Variants in ADGRL3 observed in about 807,000 individuals in gnomAD.
ADGRL3 encodes the protein calcium-independent alpha-latrotoxin receptor 3.
ADGRL3 carries 62 observed loss-of-function variants against 153.5 expected under a neutral mutation model. The observed-to-expected ratio is 0.40, with a 90% confidence interval of 0.33 to 0.50. The LOEUF (loss-of-function observed/expected upper bound fraction) is 0.50, where lower values mean the gene tolerates loss of function less well. ADGRL3 is among the 20% of genes least tolerant of loss of function. The pLI, the probability that ADGRL3 is intolerant of heterozygous loss-of-function variation, is 0.47. For missense variants in ADGRL3, 1,641 were observed against 1,859.4 expected, an observed-to-expected ratio of 0.88 and a Z score of 2.16; for synonymous variants, 710 against 672.5, an observed-to-expected ratio of 1.06 and a Z score of -0.86.
intron 2 of ADGRL3, among the ~76,000 whole-genome samples, chr4:61,385,209 T>G (rs377699942): frequency 3.3e-5 from 5 of 152,106 alleles, no homozygotes; most frequent in South Asian, 2.1e-4. Flanking sequence ...TGCTTTCTGA[T>G]TTTTCATAAA....
rs145375704 is a variant in ADGRL3 at position 61,619,010 on chromosome 4, G to C, written c.473+31570G>C. On this transcript the variant is annotated intron_variant, in intron 5 of 26. Transcript: ENST00000683033. Reference sequence around the variant, plus strand: ...TGGGATTACAGGCATGAGCCACCATGCCAGGTCCCAAGTTTGTGTTTAAGT... The same window carrying C: ...TGGGATTACAGGCATGAGCCACCATCCCAGGTCCCAAGTTTGTGTTTAAGT... 3.0e-3 allele frequency among the ~76,000 whole-genome samples: 450 copies of C among 152,296 alleles called. 3 individuals are homozygous for C. Among genetic ancestry groups the C allele is most frequent in the African/African-American group, 0.01 (430 of 41,574 alleles).
intron 2 of ADGRL3, among the ~76,000 whole-genome samples, chr4:61,443,605 T>C (rs1361399887): frequency 2.0e-5 from 3 of 152,188 alleles, no homozygotes; most frequent in Admixed American, 6.5e-5. Flanking sequence ...TTTTGTGTTA[T>C]GTATACTTCA....
chr4:61,871,122 C>CA (rs1486346960), intron 9 of ADGRL3, among the ~76,000 whole-genome samples: 7 of 151,100 alleles, frequency 4.6e-5, no homozygotes, highest in African/African-American at 9.8e-5. Flanking sequence ...ACTAAAAATA[C>CA]AAAAAATTAG....
At chr4:61,585,905 C>A (rs1264327464) in intron 4 of ADGRL3, among the ~76,000 whole-genome samples, 1 of 151,776 alleles carries the variant, frequency 6.6e-6, no homozygotes, top group Non-Finnish European at 1.5e-5. Context: ...ATATGAAGGA[C>A]AAATGTTTAT....
At chr4:61,230,426 G>A (rs992426408) in intron 1 of ADGRL3, among the ~76,000 whole-genome samples, 3 of 152,190 alleles carry the variant, frequency 2.0e-5, no homozygotes, top group African/African-American at 7.2e-5. Flanking sequence ...GTAATGTGGA[G>A]TTGATGGCAA....
intron 9 of ADGRL3, among the ~76,000 whole-genome samples, chr4:61,890,273 A>C (rs934733523): frequency 6.6e-6 from 1 of 152,236 alleles, no homozygotes; most frequent in Non-Finnish European, 1.5e-5. Context: ...GAGAGCTGGC[A>C]TTATTTGAAT....
At chr4:62,044,053 T>C (rs1182912289) in intron 24 of ADGRL3, among the ~76,000 whole-genome samples, 4 of 152,088 alleles carry the variant, frequency 2.6e-5, no homozygotes, top group Admixed American at 6.6e-5. Flanking sequence ...ACTGGCAATT[T>C]AATGCATAGT....
chr4:61,860,501 A>G (rs535300347), intron 9 of ADGRL3, among the ~76,000 whole-genome samples: 1 of 152,042 alleles, frequency 6.6e-6, no homozygotes, highest in African/African-American at 2.4e-5. Context: ...TAATCCTTTT[A>G]TCTCTCTGGA....
At chr4:61,780,399 G>C (rs1184208812) in intron 8 of ADGRL3, among the ~76,000 whole-genome samples, 4 of 152,172 alleles carry the variant, frequency 2.6e-5, no homozygotes, top group Non-Finnish European at 5.9e-5. Flanking sequence ...TTGGAGGCGG[G>C]AGAGGTGAAA....
At chr4:61,769,531 C>T (rs1005337888) in intron 8 of ADGRL3, among the ~76,000 whole-genome samples, 2 of 151,994 alleles carry the variant, frequency 1.3e-5, no homozygotes, top group South Asian at 2.1e-4. Context: ...ATCCGAGTCA[C>T]GGCACCAAAT....
chr4:62,003,429 A>C (rs1462982112), intron 21 of ADGRL3, among the ~76,000 whole-genome samples: 1 of 152,064 alleles, frequency 6.6e-6, no homozygotes, highest in African/African-American at 2.4e-5. Context: ...TGTCAAACCC[A>C]GTTGGGTTTG....
chr4:61,328,181 T>C (rs922468589), intron 1 of ADGRL3, among the ~76,000 whole-genome samples: 3 of 152,210 alleles, frequency 2.0e-5, no homozygotes, highest in African/African-American at 7.2e-5. Context: ...ACACTGTGAC[T>C]GTGCCTAGTA....
At chr4:61,895,901 T>C (rs1338965458) in intron 11 of ADGRL3, 67 bp downstream of exon 11, 1 of 854,288 alleles carries the variant, frequency 1.2e-6, no homozygotes, top group Non-Finnish European at 1.8e-6. Context: ...TGATAGCTGT[T>C]GGAAAAAAAA....
At chr4:61,883,808 G>C (rs2098521896) in intron 9 of ADGRL3, among the ~76,000 whole-genome samples, 1 of 151,924 alleles carries the variant, frequency 6.6e-6, no homozygotes, top group South Asian at 2.1e-4. Context: ...TGATGTTGTA[G>C]CGTCCATAAG....
chr4:61,277,752 AAAAG>A (rs906115683), intron 1 of ADGRL3, among the ~76,000 whole-genome samples: 2 of 152,222 alleles, frequency 1.3e-5, no homozygotes, highest in Non-Finnish European at 2.9e-5. Flanking sequence ...AATGTGCCAA[AAAAG>A]ACTGTTGTGA....
chr4:61,877,047 T>A (rs2098480095), intron 9 of ADGRL3, among the ~76,000 whole-genome samples: 1 of 152,004 alleles, frequency 6.6e-6, no homozygotes, highest in South Asian at 2.1e-4. Flanking sequence ...GTTTGAGAGG[T>A]TAGCAGAACA....
At chr4:61,948,077 T>G in intron 16 of ADGRL3, 23 bp from the exon 17 acceptor site, 1 of 1,589,582 alleles carries the variant, frequency 6.3e-7, no homozygotes. Context: ...TTGTTGATTT[T>G]ATGGATTTTT....
At chr4:61,776,208 G>T (rs1006102983) in intron 8 of ADGRL3, among the ~76,000 whole-genome samples, 1 of 152,050 alleles carries the variant, frequency 6.6e-6, no homozygotes, top group East Asian at 1.9e-4. Flanking sequence ...CCCTGAAGCC[G>T]AATCTTAAAC....
chr4:61,766,083 A>G (rs1252841910), intron 8 of ADGRL3, among the ~76,000 whole-genome samples: 1 of 152,058 alleles, frequency 6.6e-6, no homozygotes, highest in African/African-American at 2.4e-5. Flanking sequence ...ACAGGAAAGA[A>G]AGAAATTTGG....
Sources: allele counts gnomAD v4.1 joint callset (sites outside exome capture counted in the v4.1 genomes callset), GRCh38; gene constraint gnomAD v4.1.1; transcripts MANE v1.5; gene names NCBI Gene and HGNC (gene_info 2026-07-23, HGNC 2026-07-21).